The following PTGES3L variants were observed in gnomAD, a reference collection of about 807,000 sequenced individuals.
PTGES3L encodes prostaglandin E synthase 3 like, also known as putative protein PTGES3L.
PTGES3L carries 17 observed loss-of-function variants against 25.0 expected under a neutral mutation model. The observed-to-expected ratio is 0.68, with a 90% CI of 0.47 to 1.02. The LOEUF is 1.02. Among genes scored for constraint, PTGES3L ranks in the 50% least tolerant of loss-of-function variants. PTGES3L has a pLI of 0.00. For missense variants in PTGES3L, 202 were observed against 197.5 expected (o/e 1.02, Z -0.14); for synonymous variants, 59 against 65.7 (o/e 0.90, Z 0.50).
intron 4 of PTGES3L, among the ~76,000 whole-genome samples, chr17:42,974,721 C>T (rs2049922799): frequency 1.4e-5 from 2 of 147,598 alleles, no homozygotes; most frequent in South Asian, 2.1e-4. Flanking sequence ...TGCAGTGAGT[C>T]GAGATCACGC....
intron 4 of PTGES3L, among the ~76,000 whole-genome samples, chr17:42,977,668 G>GGA (rs145991932): frequency 5.7e-5 from 8 of 139,992 alleles, no homozygotes; most frequent in Admixed American, 1.4e-4. Flanking sequence ...AGGAAGGGAG[G>GGA]GAGAGAGAGA....
Position 42,977,481 on chromosome 17 carries a change from G to A in PTGES3L, c.288+1689C>T, listed in dbSNP as rs1274178363. 2.0e-5 allele frequency among the ~76,000 whole-genome samples: 3 copies of A among 151,270 alleles called. No homozygotes were observed. The South Asian group carries it at 6.3e-4, about 32-fold the overall frequency. On this transcript the variant is annotated intron_variant, in intron 4 of 6. Transcript: ENST00000591916. ...TAGCCGGGCGTGGTGGCACACGCCT[G>A]TAATCCCAGCTACTCAGGAGGCTGA...
chr17:42,970,674 G>GTGCACA (rs1555565350), intron 5 of PTGES3L, among the ~76,000 whole-genome samples: 1 of 105,606 alleles, frequency 9.5e-6, no homozygotes, highest in East Asian at 3.4e-4. Context: ...GGCTTAACAC[G>GTGCACA]CGCACACACA....
At chr17:42,973,474 C>A (rs890747131) in intron 4 of PTGES3L, among the ~76,000 whole-genome samples, 5 of 151,516 alleles carry the variant, frequency 3.3e-5, no homozygotes, top group African/African-American at 1.2e-4. Flanking sequence ...TGCCTGGCCA[C>A]CACCCCGTCT....
At chr17:42,974,512 T>A (rs2049919071) in intron 4 of PTGES3L, among the ~76,000 whole-genome samples, 1 of 150,696 alleles carries the variant, frequency 6.6e-6, no homozygotes, top group Non-Finnish European at 1.5e-5. Context: ...GTGGCTAACA[T>A]CTGTAATCCC....
Position 42,979,151 on chromosome 17 carries a change from C to T in PTGES3L, c.288+19G>A. The T allele has an allele frequency of 6.2e-7, 1 of 1,614,080 alleles. No individual in the cohort carries two copies. Among genetic ancestry groups the T allele is most frequent in the Non-Finnish European group, 8.5e-7 (1 of 1,179,960 alleles). On this transcript the variant is annotated intron_variant, in intron 4 of 6. Coordinates refer to ENST00000591916, the MANE Select transcript of PTGES3L (RefSeq NM_001261430.2). ...TGGGTACATGGAGAGAAGAAGCAGG[C>T]CACTTTCCACACACCCACCTTGATA...
intron 1 of PTGES3L, 23 bp from the exon 2 acceptor site, chr17:42,979,686 C>T (rs763940964): frequency 1.2e-6 from 2 of 1,609,916 alleles, no homozygotes; most frequent in South Asian, 1.1e-5. Flanking sequence ...TGAGGTGTGG[C>T]TTCATAGGGG....
chr17:42,971,516 T>C (rs2049836018), intron 5 of PTGES3L, 91 bp downstream of exon 5: 1 of 1,430,316 alleles, frequency 7.0e-7, no homozygotes, highest in Non-Finnish European at 9.7e-7. Context: ...ATATCTCTGC[T>C]TGGCCCCAGT....
chr17:42,974,560 G>A (rs886116961), intron 4 of PTGES3L, among the ~76,000 whole-genome samples: 4 of 151,726 alleles, frequency 2.6e-5, no homozygotes, highest in African/African-American at 4.8e-5. Flanking sequence ...ATCACTTGAC[G>A]TCAGGAGTTT....
At chr17:42,973,468 T>C (rs201933855) in intron 4 of PTGES3L, among the ~76,000 whole-genome samples, 4 of 150,850 alleles carry the variant, frequency 2.7e-5, no homozygotes, top group East Asian at 4.0e-4. Flanking sequence ...CCCCTCTGCC[T>C]GGCCACCACC....
chr17:42,969,988 G>A (rs1168255006), intron 6 of PTGES3L, among the ~76,000 whole-genome samples: 1 of 152,112 alleles, frequency 6.6e-6, no homozygotes, highest in African/African-American at 2.4e-5. Context: ...TTAGCTGGGC[G>A]TGGTGGCAGG....
intron 4 of PTGES3L, among the ~76,000 whole-genome samples, chr17:42,973,304 G>A (rs1406658814): frequency 1.8e-4 from 24 of 131,220 alleles, no homozygotes; most frequent in Non-Finnish European, 3.7e-4. Flanking sequence ...GCCTCTGCCC[G>A]GCGGCCCCTA....
At chr17:42,969,981 G>T (rs2049803003) in intron 6 of PTGES3L, among the ~76,000 whole-genome samples, 1 of 151,976 alleles carries the variant, frequency 6.6e-6, no homozygotes, top group South Asian at 2.1e-4. Context: ...ACAAAAATTA[G>T]CTGGGCGTGG....
At chr17:42,977,234 G>A (rs544797577) in intron 4 of PTGES3L, among the ~76,000 whole-genome samples, 60 of 151,962 alleles carry the variant, frequency 3.9e-4, no homozygotes, top group Admixed American at 2.1e-3. Flanking sequence ...AAGAGCAGCC[G>A]GGCCAACATG....
chr17:42,975,956 C>T (rs1429017468), intron 4 of PTGES3L, among the ~76,000 whole-genome samples: 2 of 151,390 alleles, frequency 1.3e-5, no homozygotes, highest in South Asian at 2.1e-4. Flanking sequence ...ATTACAGTCA[C>T]GAGCCACCGA....
intron 5 of PTGES3L, among the ~76,000 whole-genome samples, chr17:42,970,802 A>C (rs889929734): frequency 7.9e-5 from 12 of 151,750 alleles, no homozygotes; most frequent in African/African-American, 2.9e-4. Flanking sequence ...CAGGAGTTCC[A>C]GACCAGCCTG....
intron 4 of PTGES3L, among the ~76,000 whole-genome samples, chr17:42,973,239 G>T (rs200026438): frequency 1.4e-5 from 2 of 145,906 alleles, no homozygotes; most frequent in African/African-American, 5.0e-5. Context: ...CCGGGAGGGA[G>T]GTGGGGGGGT....
At chr17:42,970,676 G>GCGCGCACACACACACACA (rs1490786473) in intron 5 of PTGES3L, among the ~76,000 whole-genome samples, 26 of 144,186 alleles carry the variant, frequency 1.8e-4, no homozygotes, top group African/African-American at 6.9e-4. Flanking sequence ...CTTAACACGC[G>GCGCGCACACACACACACA]CACACACACA....
Position 42,969,080 on chromosome 17 carries a change from A to T in PTGES3L, c.*68T>A. 8.3e-7 allele frequency: 1 copy of T among 1,212,040 alleles called. No homozygotes were observed. The highest frequency in any genetic ancestry group is 1.2e-6 in the Non-Finnish European group (1 of 839,766). The allele number at this position is 1,212,040 out of a possible 1,614,324, so 75.1% of individuals were successfully genotyped here. Reference sequence around the variant, plus strand: ...ACAGCCAAAGCGCTGACAAAGGCCTAGGCGCTAGCTTTCTAGAACAACTGG... The same window carrying T: ...ACAGCCAAAGCGCTGACAAAGGCCTTGGCGCTAGCTTTCTAGAACAACTGG... On this transcript the variant is annotated 3_prime_UTR_variant, in exon 7 of 7. Transcript: ENST00000591916.
Sources: gnomAD v4.1 joint callset for allele counts (sites outside exome capture counted in the v4.1 genomes callset) on GRCh38, gnomAD v4.1.1 for gene constraint, MANE v1.5 for transcripts, NCBI Gene and HGNC (gene_info 2026-07-23, HGNC 2026-07-21) for gene names.